Variants in MRPL48 observed in about 807,000 individuals in gnomAD.
The protein encoded by MRPL48 is mitochondrial ribosomal protein L48.
A neutral mutation model predicts 32.9 loss-of-function variants in MRPL48; 16 were observed. The observed-to-expected ratio is 0.49, with a 90% CI of 0.33 to 0.74. The LOEUF (loss-of-function observed/expected upper bound fraction) is 0.74. Among genes scored for constraint, MRPL48 ranks in the 30% least tolerant of loss-of-function variants. The pLI, the probability that MRPL48 is intolerant of heterozygous loss-of-function variation, is 0.02. For synonymous variants in MRPL48, 94 were observed against 89.2 expected, an observed-to-expected ratio of 1.05 and a Z score of -0.31; for missense variants, 206 against 245.3, an observed-to-expected ratio of 0.84 and a Z score of 1.07.
intron 3 of MRPL48, among the ~76,000 whole-genome samples, chr11:73,813,415 T>G (rs59040349): frequency 6.6e-6 from 1 of 151,250 alleles, no homozygotes; most frequent in South Asian, 2.1e-4. Context: ...CTCAGGTGAT[T>G]CACCCACCTC....
At chr11:73,798,047 G>A (rs1947289896) in intron 1 of MRPL48, among the ~76,000 whole-genome samples, 1 of 152,032 alleles carries the variant, frequency 6.6e-6, no homozygotes, top group Admixed American at 6.6e-5. Flanking sequence ...ATGTTTAGAA[G>A]GTTATGGCTA....
rs1948644467 is a variant in MRPL48 at position 73,864,838 on chromosome 11, C to G, written c.*468C>G. 6.0e-6 allele frequency: 1 copy of G among 166,412 alleles called. No individual in the cohort carries two copies. The highest frequency in any genetic ancestry group is 1.3e-5 in the Non-Finnish European group (1 of 75,778). The allele number at this position is 166,412 out of a possible 1,614,324, so 10.3% of individuals were successfully genotyped here. A position where few individuals can be genotyped will look rare whatever the true frequency, so the allele number is the denominator to read the frequency against. On this transcript the variant is annotated 3_prime_UTR_variant, in exon 8 of 8. Transcript: ENST00000310614. ...ACGGAGTCTCGCTCTGTTGCCCAGGCTGGAGTGCAGTGGCACGATCTAGAC... is the reference window on the plus strand; with the variant it reads ...ACGGAGTCTCGCTCTGTTGCCCAGGGTGGAGTGCAGTGGCACGATCTAGAC...
At chr11:73,859,845 A>G (rs1458360861) in intron 5 of MRPL48, 62 bp from the exon 6 acceptor site, 4 of 1,409,102 alleles carry the variant, frequency 2.8e-6, no homozygotes, top group South Asian at 1.2e-5. Context: ...ATGGACTACT[A>G]TGATTGAAGT....
chr11:73,862,813 G>A (rs1009058366), intron 6 of MRPL48, among the ~76,000 whole-genome samples: 7 of 152,044 alleles, frequency 4.6e-5, no homozygotes, highest in South Asian at 2.1e-4. Flanking sequence ...CCAACTACTC[G>A]GAGGCTGAGG....
intron 2 of MRPL48, among the ~76,000 whole-genome samples, chr11:73,805,655 C>CTT (rs147763203): frequency 0.068 from 8,966 of 132,300 alleles, 353 homozygotes; most frequent in Non-Finnish European, 0.082. Flanking sequence ...TAAACAGAAC[C>CTT]TTTTTTTTTT....
intron 5 of MRPL48, among the ~76,000 whole-genome samples, chr11:73,854,325 C>T (rs1426800820): frequency 6.6e-6 from 1 of 152,176 alleles, no homozygotes; most frequent in Non-Finnish European, 1.5e-5. Context: ...GCTCTGTCGC[C>T]CAGGCTGGAG....
chr11:73,856,475 C>T (rs11235931), intron 5 of MRPL48, among the ~76,000 whole-genome samples: 2 of 151,300 alleles, frequency 1.3e-5, no homozygotes, highest in Non-Finnish European at 3.0e-5. Flanking sequence ...AAAGAAGAGG[C>T]CTCTCATGTG....
intron 3 of MRPL48, among the ~76,000 whole-genome samples, chr11:73,819,303 T>C (rs770145537): frequency 3.9e-5 from 6 of 152,222 alleles, no homozygotes; most frequent in Non-Finnish European, 7.3e-5. Flanking sequence ...GATAAGAGGC[T>C]GAGGCAAACA....
chr11:73,805,624 G>A (rs912479019), intron 2 of MRPL48, among the ~76,000 whole-genome samples: 1 of 143,454 alleles, frequency 7.0e-6, no homozygotes, highest in Non-Finnish European at 1.5e-5. Flanking sequence ...AACAAAACTT[G>A]TTGGCTTTAC....
chr11:73,840,907 T>C (rs1032470832), intron 4 of MRPL48, among the ~76,000 whole-genome samples: 1 of 152,120 alleles, frequency 6.6e-6, no homozygotes, highest in Non-Finnish European at 1.5e-5. Context: ...GTTTAGAATA[T>C]ATAAAGAGCC....
intron 5 of MRPL48, among the ~76,000 whole-genome samples, chr11:73,849,522 G>T (rs184946892): frequency 9.9e-4 from 150 of 152,144 alleles, no homozygotes; most frequent in African/African-American, 3.4e-3. Context: ...TTTTCTTTTT[G>T]ATTCTTCTTT....
intron 6 of MRPL48, among the ~76,000 whole-genome samples, chr11:73,862,290 C>T (rs886564450): frequency 2.0e-5 from 3 of 152,136 alleles, no homozygotes; most frequent in African/African-American, 7.2e-5. Context: ...GGCGTGGTGG[C>T]GCATGCCTGT....
chr11:73,804,323 C>T (rs899614849), intron 1 of MRPL48, among the ~76,000 whole-genome samples: 2 of 151,852 alleles, frequency 1.3e-5, no homozygotes, highest in African/African-American at 4.8e-5. Flanking sequence ...ATGGCCCAGG[C>T]TGGAGTGCAG....
intron 4 of MRPL48, among the ~76,000 whole-genome samples, chr11:73,836,187 C>T (rs1184860808): frequency 1.3e-4 from 20 of 151,724 alleles, no homozygotes; most frequent in African/African-American, 2.4e-5. Flanking sequence ...GGCACCATCT[C>T]GGCTCACTGC....
At chr11:73,812,717 A>AATATATATATAT (rs370608269) in intron 3 of MRPL48, among the ~76,000 whole-genome samples, 259 of 135,548 alleles carry the variant, frequency 1.9e-3, no homozygotes, top group African/African-American at 6.9e-3. Flanking sequence ...CCCATGTCTA[A>AATATATATATAT]ATATATATAT....
chr11:73,833,087 G>T (rs1252495234), intron 4 of MRPL48, among the ~76,000 whole-genome samples: 4 of 152,038 alleles, frequency 2.6e-5, no homozygotes, highest in African/African-American at 9.7e-5. Context: ...CAAAAAAGAA[G>T]CAATTCTCCC....
chr11:73,805,848 A>G (rs1323432440), intron 2 of MRPL48, among the ~76,000 whole-genome samples: 2 of 149,578 alleles, frequency 1.3e-5, no homozygotes, highest in Non-Finnish European at 3.0e-5. Context: ...TTGTGGAGAC[A>G]GGGTTTTGCC....
At chr11:73,821,068 C>G (rs762904546) in intron 3 of MRPL48, among the ~76,000 whole-genome samples, 4 of 152,120 alleles carry the variant, frequency 2.6e-5, no homozygotes, top group Non-Finnish European at 4.4e-5. Flanking sequence ...GATAATAGTT[C>G]ACTGCAGCCT....
chr11:73,838,420 C>T (rs1413631370), intron 4 of MRPL48, among the ~76,000 whole-genome samples: 2 of 152,096 alleles, frequency 1.3e-5, no homozygotes, highest in African/African-American at 2.4e-5. Context: ...AATGAGATGC[C>T]AAGATGGACA....
Sources: allele counts gnomAD v4.1 joint callset (sites outside exome capture counted in the v4.1 genomes callset), GRCh38; gene constraint gnomAD v4.1.1; transcripts MANE v1.5; gene names NCBI Gene and HGNC (gene_info 2026-07-23, HGNC 2026-07-21).